Variants in FER1L6 observed in about 807,000 individuals in gnomAD.
FER1L6 encodes fer-1 like family member 6.
A neutral mutation model predicts 219.2 loss-of-function variants in FER1L6; 177 were observed. The ratio of observed to expected loss-of-function variants is 0.81; its 90% CI spans 0.71 to 0.91. The LOEUF is 0.91. Ranked by LOEUF, FER1L6 falls within the 40% of genes least tolerant of loss-of-function variation. The probability of loss-of-function intolerance (pLI) is 0.00; values close to 1 mark genes in which losing one functional copy is unlikely to be tolerated. For missense variants in FER1L6, 2,153 were observed against 2,259.9 expected (o/e 0.95, Z 0.96); for synonymous variants, 768 against 824.3 (o/e 0.93, Z 1.17).
intron 1 of FER1L6, among the ~76,000 whole-genome samples, chr8:123,903,373 G>A (rs898950966): frequency 3.3e-5 from 5 of 152,138 alleles, no homozygotes; most frequent in African/African-American, 1.2e-4. Flanking sequence ...AGAAAACGTA[G>A]CATTCCTACG....
rs1815729452 is a variant in FER1L6 at position 123,970,053 on chromosome 8, A to G, written c.403A>G (p.Ile135Val). 6.2e-7 allele frequency: 1 copy of G among 1,613,920 alleles called. No individual in the cohort carries two copies. Among genetic ancestry groups the G allele is most frequent in the African/African-American group, 1.3e-5 (1 of 74,896 alleles). The change falls in exon 6 of 41, where the codon ATT becomes GTT. Residue 135 changes from isoleucine to valine, a missense_variant. Coordinates refer to ENST00000522917, the MANE Select transcript of FER1L6 (RefSeq NM_001039112.2). Reference sequence around the variant, plus strand: ...TTTGCAGTACTTTGTCTTCGACTTCATTGGGCCCCAAGTGCATCTTTTTGA... The same window carrying G: ...TTTGCAGTACTTTGTCTTCGACTTCGTTGGGCCCCAAGTGCATCTTTTTGA... The part of the protein sequence containing the change: ...FYNEYFVFDF[I>V]GPQVHLFDKI...
chr8:124,035,225 C>A, intron 18 of FER1L6, 52 bp from the exon 19 acceptor site: 1 of 1,566,006 alleles, frequency 6.4e-7, no homozygotes, highest in Non-Finnish European at 8.7e-7. Context: ...AAAGGGGAGG[C>A]CTATAATTAT....
In FER1L6 at chr8:124,045,908, G is replaced by A; in HGVS notation, c.2724+7G>A. The A allele has an allele frequency of 6.2e-7, 1 of 1,613,522 alleles. No individual in the cohort carries two copies. ...GTATGACAGCGACGCTGTGGTGAGT[G>A]TCCCCCTGGGCCAGTGCTGACCACA... On this transcript the variant is annotated splice_region_variant and intron_variant, in intron 21 of 40. Coordinates refer to ENST00000522917, the MANE Select transcript of FER1L6 (RefSeq NM_001039112.2).
At position 123,879,696 on chromosome 8, in the gene FER1L6, T is replaced by C. The variant is rs181811112; in HGVS notation, c.-8+27511T>C. On this transcript the variant is annotated intron_variant, in intron 1 of 40. Transcript: ENST00000522917. ...TAATATGTGTATTTGTCCTCTACTA[T>C]GGGAAAACTCACCTGTGCATGCGCA... Among the ~76,000 whole-genome samples, 244 of 152,232 alleles carry C rather than the reference T, an allele frequency of 1.6e-3. 6 individuals are homozygous for C. Among genetic ancestry groups the C allele is most frequent in the Admixed American group, 0.015 (234 of 15,270 alleles).
In FER1L6 at chr8:124,097,278, T is replaced by C. The variant is rs1484990582; in HGVS notation, c.4703T>C (p.Leu1568Pro). Residue 1568 changes from leucine to proline, a missense_variant, in exon 36 of 41, where the codon CTG (leucine) becomes CCG (proline). By Grantham distance (98) the Leu-to-Pro change is moderately conservative. Transcript: ENST00000522917. The part of the protein sequence containing the change: ...KDKPGMEQGR[L>P]QMWVDMFPKD... Reference sequence around the variant, plus strand: ...ATTTTTTTTCTTAACAAGGGCCGCCTGCAGATGTGGGTGGACATGTTTCCC... The same window carrying C: ...ATTTTTTTTCTTAACAAGGGCCGCCCGCAGATGTGGGTGGACATGTTTCCC... 4 of 1,612,966 alleles carry C rather than the reference T, an allele frequency of 2.5e-6. No individual in the cohort carries two copies. Among genetic ancestry groups the C allele is most frequent in the Non-Finnish European group, 2.5e-6 (3 of 1,179,294 alleles).
Position 124,045,766 on chromosome 8 carries a change from G to A in FER1L6, c.2590-1G>A, listed in dbSNP as rs761498592. Reference sequence around the variant, plus strand: ...TGCTTTTCTTTGGTCCCTGCTTCCAGATAATCTCCCAGACCCTCTCTCCGA... The same window carrying A: ...TGCTTTTCTTTGGTCCCTGCTTCCAAATAATCTCCCAGACCCTCTCTCCGA... On this transcript the variant is annotated splice_acceptor_variant, in intron 20 of 40. Transcript: ENST00000522917. LOFTEE classifies it high-confidence loss of function. 1 of 1,613,834 alleles carries A rather than the reference G, an allele frequency of 6.2e-7. No individual in the cohort carries two copies. The highest frequency in any genetic ancestry group is 8.5e-7 in the Non-Finnish European group (1 of 1,179,978).
intron 1 of FER1L6, among the ~76,000 whole-genome samples, chr8:123,865,970 C>T (rs7005556): frequency 6.8e-6 from 1 of 146,546 alleles, no homozygotes; most frequent in African/African-American, 2.6e-5. Flanking sequence ...AGCTGTAGAC[C>T]GGAGCTGTTC....
rs1018180313 is a variant in FER1L6 at position 123,853,315 on chromosome 8, C to T, written c.-8+1130C>T. On this transcript the variant is annotated intron_variant, in intron 1 of 40. Coordinates refer to ENST00000522917, the MANE Select transcript of FER1L6 (RefSeq NM_001039112.2). This position sits in a 1 kb window ranked among gnomAD's most constrained non-coding sequence, Gnocchi z 6.6. Reference sequence around the variant, plus strand: ...GATTACAGGTGCTTGCCATCACACCCGGCTAATTTCTGTATTTTTAGAGAA... The same window carrying T: ...GATTACAGGTGCTTGCCATCACACCTGGCTAATTTCTGTATTTTTAGAGAA... Among the ~76,000 whole-genome samples the T allele has an allele frequency of 3.3e-5, 5 of 152,048 alleles. No homozygotes were observed. Among genetic ancestry groups the T allele is most frequent in the African/African-American group, 7.2e-5 (3 of 41,402 alleles).
chr8:124,064,379 T>C lies in FER1L6; in HGVS notation c.3361T>C (p.Ser1121Pro). 2 of 1,612,928 alleles carry C rather than the reference T, an allele frequency of 1.2e-6. No individual in the cohort carries two copies. Among genetic ancestry groups the C allele is most frequent in the Non-Finnish European group, 1.7e-6 (2 of 1,179,640 alleles). Reference sequence around the variant, plus strand: ...AGATTCGCTAACAGCCACTGAGTCCTCTGGAGCCCACAGCTCCTCCCAGGA... The same window carrying C: ...AGATTCGCTAACAGCCACTGAGTCCCCTGGAGCCCACAGCTCCTCCCAGGA... The part of the protein sequence containing the change: ...ISDSLTATES[S>P]GAHSSSQDPP... Residue 1121 changes from serine (S) to proline (P), a missense_variant, in exon 26 of 41, where the codon TCT (serine) becomes CCT (proline). By Grantham distance (74) the Ser-to-Pro change is moderately conservative. Transcript: ENST00000522917.
At chr8:123,975,045 C>G (rs1353908520) in intron 7 of FER1L6, 105 bp from the exon 8 acceptor site, 1 of 1,039,156 alleles carries the variant, frequency 9.6e-7, no homozygotes, top group African/African-American at 1.6e-5. Context: ...CCACCTAGAG[C>G]AACAGAGGGA....
At chr8:124,052,636 G>A (rs993738821) in intron 22 of FER1L6, among the ~76,000 whole-genome samples, 9 of 151,796 alleles carry the variant, frequency 5.9e-5, no homozygotes, top group Admixed American at 2.6e-4. Context: ...AATACAAAAA[G>A]TAGCCAGGCG....
At position 124,107,556 on chromosome 8, in the gene FER1L6, G is replaced by C. The variant is rs140201267; in HGVS notation, c.5289+4247G>C. ...CTTATGATCTGAGCCCCACCTGCTA[G>C]GTACCAGAGTAGTGGCAATTTCCAT... On this transcript the variant is annotated intron_variant, in intron 39 of 40. Coordinates refer to ENST00000522917, the MANE Select transcript of FER1L6 (RefSeq NM_001039112.2). Among the ~76,000 whole-genome samples the C allele has an allele frequency of 1.9e-3, 292 of 152,284 alleles. 3 individuals are homozygous for C. The highest frequency in any genetic ancestry group is 0.017 in the East Asian group (88 of 5,178).
chr8:123,998,610 G>A (rs979057421), intron 12 of FER1L6, among the ~76,000 whole-genome samples: 6 of 152,108 alleles, frequency 3.9e-5, no homozygotes, highest in Non-Finnish European at 7.4e-5. Context: ...TCAGCAGGTG[G>A]TTAATCCAGC....
intron 1 of FER1L6, among the ~76,000 whole-genome samples, chr8:123,871,411 C>T (rs1042375905): frequency 2.0e-5 from 3 of 151,954 alleles, no homozygotes; most frequent in African/African-American, 4.8e-5. Flanking sequence ...TAAGAGGAAC[C>T]CAGAGTACTT....
At chr8:123,904,828 T>TG (rs1812922821) in intron 1 of FER1L6, among the ~76,000 whole-genome samples, 1 of 152,226 alleles carries the variant, frequency 6.6e-6, no homozygotes, top group Admixed American at 6.5e-5. Context: ...TACAGTAGTA[T>TG]GTTGGTGCCA....
chr8:124,118,030 G>A (rs1235503800), intron 39 of FER1L6, among the ~76,000 whole-genome samples: 1 of 152,132 alleles, frequency 6.6e-6, no homozygotes, highest in East Asian at 1.9e-4. Flanking sequence ...CAGGAGAAAT[G>A]AGCGTCTCTG....
At chr8:124,021,729 G>A in intron 17 of FER1L6, 60 bp downstream of exon 17, 1 of 1,595,190 alleles carries the variant, frequency 6.3e-7, no homozygotes, top group East Asian at 2.2e-5. Context: ...TTCCAGGGAG[G>A]TTTGAATGGT....
intron 33 of FER1L6, among the ~76,000 whole-genome samples, chr8:124,090,648 C>T (rs889256298): frequency 3.3e-5 from 5 of 152,298 alleles, no homozygotes; most frequent in African/African-American, 1.2e-4. Context: ...CTCAGTGTCC[C>T]AATGAGCAGA....
intron 1 of FER1L6, among the ~76,000 whole-genome samples, chr8:123,949,853 AT>A (rs1271340573): frequency 1.3e-5 from 2 of 152,194 alleles, no homozygotes; most frequent in East Asian, 3.8e-4. Flanking sequence ...CCAAAAGATA[AT>A]CAAGCAATAT....
Sources: allele counts gnomAD v4.1 joint callset (sites outside exome capture counted in the v4.1 genomes callset), GRCh38; gene constraint gnomAD v4.1.1; non-coding constraint Gnocchi (gnomAD v3.1); transcripts MANE v1.5; gene names NCBI Gene and HGNC (gene_info 2026-07-23, HGNC 2026-07-21).